LRFN5: variants seen among roughly 807,000 people sequenced by gnomAD.
LRFN5 encodes the protein leucine-rich repeat and fibronectin type-III domain-containing protein 5.
Under a neutral mutation model 45.6 loss-of-function variants are expected in LRFN5, and 24 were observed. The ratio of observed to expected loss-of-function variants is 0.53; its 90% CI spans 0.38 to 0.74. The LOEUF (loss-of-function observed/expected upper bound fraction) is 0.74, where lower values mean the gene tolerates loss of function less well. Among genes scored for constraint, LRFN5 ranks in the 30% least tolerant of loss-of-function variants. The pLI, the probability that LRFN5 is intolerant of heterozygous loss-of-function variation, is 0.00. For missense variants in LRFN5, 776 were observed against 861.5 expected, an observed-to-expected ratio of 0.90 and a Z score of 1.24; for synonymous variants, 340 against 313.8, an observed-to-expected ratio of 1.08 and a Z score of -0.88.
At chr14:41,805,063 G>C (rs1019740331) in intron 2 of LRFN5, among the ~76,000 whole-genome samples, 5 of 152,044 alleles carry the variant, frequency 3.3e-5, no homozygotes, top group African/African-American at 1.2e-4. Context: ...AGCAGATGGA[G>C]GATAACATTA....
At chr14:41,793,991 GTCAC>G (rs542092284) in intron 2 of LRFN5, among the ~76,000 whole-genome samples, 175 of 152,132 alleles carry the variant, frequency 1.2e-3, no homozygotes, top group Non-Finnish European at 2.1e-3. Context: ...GATTCCTCCT[GTCAC>G]TCACTTCCAT....
At chr14:41,799,891 A>G (rs1397495936) in intron 2 of LRFN5, among the ~76,000 whole-genome samples, 3 of 151,896 alleles carry the variant, frequency 2.0e-5, no homozygotes, top group Non-Finnish European at 2.9e-5. Flanking sequence ...AACTGCTAAA[A>G]TGATATCTCA....
chr14:41,712,825 G>C (rs956275982), intron 1 of LRFN5, among the ~76,000 whole-genome samples: 2 of 151,942 alleles, frequency 1.3e-5, no homozygotes, highest in African/African-American at 4.8e-5. Flanking sequence ...TTTTTCTCCA[G>C]AAAAGATGTG....
intron 2 of LRFN5, among the ~76,000 whole-genome samples, chr14:41,836,119 T>TG (rs1888655209): frequency 6.6e-6 from 1 of 152,118 alleles, no homozygotes; most frequent in Admixed American, 6.6e-5. Flanking sequence ...GCTGCTTACT[T>TG]GGACTTGGGG....
At chr14:41,855,966 T>C (rs1178757837) in intron 2 of LRFN5, among the ~76,000 whole-genome samples, 1 of 152,204 alleles carries the variant, frequency 6.6e-6, no homozygotes. Flanking sequence ...TATTTTAAAG[T>C]ATTTAAGAAA....
chr14:41,642,639 C>G (rs1335966053), intron 1 of LRFN5, among the ~76,000 whole-genome samples: 1 of 152,130 alleles, frequency 6.6e-6, no homozygotes. Context: ...AGGACTTGAG[C>G]CCTGACTCCT....
chr14:41,647,288 C>T (rs1879863887), intron 1 of LRFN5, among the ~76,000 whole-genome samples: 1 of 152,032 alleles, frequency 6.6e-6, no homozygotes, highest in South Asian at 2.1e-4. Context: ...TGTCTAGGCC[C>T]CATATAATGA....
chr14:41,886,064 G>A (rs1370848575), intron 2 of LRFN5, among the ~76,000 whole-genome samples: 4 of 144,546 alleles, frequency 2.8e-5, no homozygotes, highest in African/African-American at 7.7e-5. Context: ...TCTATGTCAA[G>A]ATAGTTTGTA....
At chr14:41,852,074 G>T (rs1889286427) in intron 2 of LRFN5, among the ~76,000 whole-genome samples, 1 of 151,544 alleles carries the variant, frequency 6.6e-6, no homozygotes, top group Non-Finnish European at 1.5e-5. Flanking sequence ...GAAAATTGTG[G>T]ATATAACTAT....
chr14:41,856,956 G>GC (rs1316390539), intron 2 of LRFN5, among the ~76,000 whole-genome samples: 2 of 151,244 alleles, frequency 1.3e-5, no homozygotes, highest in African/African-American at 2.4e-5. Context: ...GAGCCACCGC[G>GC]TCCGGCCTCT....
chr14:41,779,172 C>G (rs1886396304), intron 2 of LRFN5, among the ~76,000 whole-genome samples: 1 of 151,774 alleles, frequency 6.6e-6, no homozygotes, highest in African/African-American at 2.4e-5. Context: ...AAGTTTTCCT[C>G]TCTTTCTAGT....
chr14:41,850,899 T>A (rs1025724460), intron 2 of LRFN5, among the ~76,000 whole-genome samples: 2 of 151,680 alleles, frequency 1.3e-5, no homozygotes, highest in Non-Finnish European at 3.0e-5. Flanking sequence ...GAAAAAAAAA[T>A]ATGTGTTACT....
intron 1 of LRFN5, among the ~76,000 whole-genome samples, chr14:41,638,335 G>C (rs1101393): frequency 6.6e-6 from 1 of 152,138 alleles, no homozygotes; most frequent in Non-Finnish European, 1.5e-5. Flanking sequence ...ATTCTCCTTA[G>C]AATACAGTGG....
intron 2 of LRFN5, among the ~76,000 whole-genome samples, chr14:41,796,227 A>G (rs1409758934): frequency 6.6e-6 from 1 of 152,038 alleles, no homozygotes; most frequent in Admixed American, 6.6e-5. Flanking sequence ...TTTATTAAAA[A>G]CATCATTTTG....
Position 41,888,027 on chromosome 14 carries a change from A to G in LRFN5, c.1385+17A>G, listed in dbSNP as rs1438734310. 2.6e-6 allele frequency: 4 copies of G among 1,553,258 alleles called. No individual in the cohort carries two copies. Among genetic ancestry groups the G allele is most frequent in the Non-Finnish European group, 3.5e-6 (4 of 1,146,408 alleles). On this transcript the variant is annotated intron_variant, in intron 3 of 5. Coordinates refer to ENST00000298119, the MANE Select transcript of LRFN5 (RefSeq NM_152447.5). ...TGTTTACAGGTAAGAAAAATTGAGCAAATTTGTATACTTACCATGCATCTT... is the reference window on the plus strand; with the variant it reads ...TGTTTACAGGTAAGAAAAATTGAGCGAATTTGTATACTTACCATGCATCTT...
chr14:41,819,102 A>G (rs574879452), intron 2 of LRFN5, among the ~76,000 whole-genome samples: 73 of 152,284 alleles, frequency 4.8e-4, no homozygotes, highest in African/African-American at 1.5e-3. Flanking sequence ...AGTATTCCAT[A>G]GTATAAATGC....
chr14:41,800,766 A>G (rs986169200), intron 2 of LRFN5, among the ~76,000 whole-genome samples: 2 of 142,840 alleles, frequency 1.4e-5, no homozygotes, highest in African/African-American at 5.4e-5. Context: ...CTCATAAAAG[A>G]TTACCCTGGA....
rs145007773 is a variant in LRFN5, at chr14:41,872,346, A to G, written c.-20-14260A>G. ...AAAAGTATCTAAAGTATCTATAGAC[A>G]TATAGACTTGAATGCATGCTATGTT... On this transcript the variant is annotated intron_variant, in intron 2 of 5. Coordinates refer to ENST00000298119, the MANE Select transcript of LRFN5 (RefSeq NM_152447.5). Among the ~76,000 whole-genome samples, 882 of 152,346 alleles carry G rather than the reference A, an allele frequency of 5.8e-3. 8 individuals are homozygous for G. Among genetic ancestry groups the G allele is most frequent in the African/African-American group, 0.018 (747 of 41,586 alleles).
intron 1 of LRFN5, among the ~76,000 whole-genome samples, chr14:41,762,036 C>T (rs1482741581): frequency 6.7e-6 from 1 of 150,128 alleles, no homozygotes; most frequent in Admixed American, 6.7e-5. Context: ...GTGAGAATAT[C>T]TTATTTTAAA....
Sources: gnomAD v4.1 joint callset for allele counts (sites outside exome capture counted in the v4.1 genomes callset) on GRCh38, gnomAD v4.1.1 for gene constraint, MANE v1.5 for transcripts, NCBI Gene and HGNC (gene_info 2026-07-23, HGNC 2026-07-21) for gene names.